The following SCML4 variants were observed in gnomAD, a reference collection of about 807,000 sequenced individuals.
SCML4 encodes Scm polycomb group protein like 4, also known as sex comb on midleg-like protein 4.
SCML4 carries 34 observed loss-of-function variants against 41.1 expected under a neutral mutation model. That is an observed-to-expected ratio of 0.83 (90% confidence interval 0.63 to 1.10). SCML4 has a LOEUF of 1.10. Among genes scored for constraint, SCML4 ranks in the 50% least tolerant of loss-of-function variants. The pLI is 0.00. For missense variants in SCML4, 522 were observed against 534.1 expected, an observed-to-expected ratio of 0.98 and a Z score of 0.22; for synonymous variants, 214 against 220.9, an observed-to-expected ratio of 0.97 and a Z score of 0.28.
At chr6:107,772,436 T>C in intron 1 of SCML4, 50 bp from the exon 2 acceptor site, 1 of 1,129,368 alleles carries the variant, frequency 8.9e-7, no homozygotes, top group East Asian at 2.6e-5. Flanking sequence ...AGGGTTTGTT[T>C]GGTTTGCAAG....
intron 1 of SCML4, among the ~76,000 whole-genome samples, chr6:107,798,474 A>G (rs1286886216): frequency 6.6e-6 from 1 of 151,824 alleles, no homozygotes; most frequent in East Asian, 1.9e-4. Context: ...TCTGCTGGTA[A>G]TCTGCATTTT....
intron 2 of SCML4, chr6:107,755,593 G>A (rs376614547): frequency 3.0e-6 from 4 of 1,346,282 alleles, no homozygotes; most frequent in Non-Finnish European, 3.9e-6. Flanking sequence ...GAATGGGGGG[G>A]TTCTCTGCCT....
chr6:107,772,083 C>A, intron 2 of SCML4, 89 bp downstream of exon 2: 2 of 1,190,646 alleles, frequency 1.7e-6, no homozygotes, highest in Non-Finnish European at 2.3e-6. Context: ...AAGCTCCCAA[C>A]CTCTAGTGGC....
At chr6:107,791,172 G>A (rs1782297631) in intron 1 of SCML4, among the ~76,000 whole-genome samples, 1 of 152,074 alleles carries the variant, frequency 6.6e-6, no homozygotes, top group Non-Finnish European at 1.5e-5. Context: ...AAGAAGAACA[G>A]GGATGGAATT....
intron 1 of SCML4, among the ~76,000 whole-genome samples, chr6:107,783,960 C>A (rs1348459211): frequency 6.6e-6 from 1 of 152,182 alleles, no homozygotes; most frequent in Non-Finnish European, 1.5e-5. Flanking sequence ...TTCTGTCCTG[C>A]CACCTCCTGC....
chr6:107,707,751 T>G (rs1328363910), intron 7 of SCML4, 115 bp downstream of exon 7: 6 of 1,364,862 alleles, frequency 4.4e-6, no homozygotes, highest in Non-Finnish European at 6.1e-6. Context: ...AGGGCTTAGT[T>G]TAGAGCACCC....
intron 1 of SCML4, among the ~76,000 whole-genome samples, chr6:107,780,019 G>T (rs761715964): frequency 1.3e-5 from 2 of 152,156 alleles, no homozygotes; most frequent in South Asian, 4.1e-4. Flanking sequence ...GCCAGGGGCC[G>T]TGTTTCACAT....
the SCML4 span, among the ~76,000 whole-genome samples, chr6:107,831,100 G>C: frequency 6.6e-6 from 1 of 152,130 alleles, no homozygotes; most frequent in African/African-American, 2.4e-5. Flanking sequence ...GCTGAAAACA[G>C]TTACTGTTTC....
intron 5 of SCML4, among the ~76,000 whole-genome samples, chr6:107,737,393 C>T (rs1777180242): frequency 6.6e-6 from 1 of 152,182 alleles, no homozygotes; most frequent in East Asian, 1.9e-4. Context: ...GATATGCAAG[C>T]CTTGTCTTTC....
At chr6:107,746,951 T>C in intron 3 of SCML4, 62 bp from the exon 4 acceptor site, 2 of 1,433,008 alleles carry the variant, frequency 1.4e-6, no homozygotes, top group Non-Finnish European at 1.9e-6. Flanking sequence ...GCTGGCGGCC[T>C]CTGTGTACAC....
chr6:107,835,096 G>A, the SCML4 span, among the ~76,000 whole-genome samples: 92 of 151,736 alleles, frequency 6.1e-4, no homozygotes, highest in African/African-American at 2.0e-3. Context: ...TCAGTGGCTC[G>A]CGGCCTGTAA....
the SCML4 span, among the ~76,000 whole-genome samples, chr6:107,829,525 T>G: frequency 6.6e-6 from 1 of 152,108 alleles, no homozygotes; most frequent in Non-Finnish European, 1.5e-5. Context: ...TTCTCATAAG[T>G]GGGAGTTGAA....
intron 1 of SCML4, among the ~76,000 whole-genome samples, chr6:107,821,908 T>C (rs187554874): frequency 5.4e-4 from 82 of 152,318 alleles, no homozygotes; most frequent in Non-Finnish European, 5.9e-4. Flanking sequence ...ATGTGTGATG[T>C]GTCCTCAGGC....
intron 5 of SCML4, among the ~76,000 whole-genome samples, chr6:107,726,677 G>A (rs1776020424): frequency 6.6e-6 from 1 of 151,982 alleles, no homozygotes; most frequent in African/African-American, 2.4e-5. Context: ...TCCACATCAT[G>A]AGTCGAATCA....
rs140851580 is a variant in SCML4, at chr6:107,767,189, C to T, written c.156+4983G>A. The stretch of plus-strand genomic sequence containing the variant: ...TCCAGGGTGGTCTCGATCTCCTGAC[C>T]TCGTGATCCATCCACCTCGGCCTCC... On this transcript the variant is annotated intron_variant, in intron 2 of 7. Transcript: ENST00000369020. Among the ~76,000 whole-genome samples, 198 of 152,138 alleles carry T rather than the reference C, an allele frequency of 1.3e-3. 2 individuals carry two copies. Among genetic ancestry groups the T allele is most frequent in the African/African-American group, 4.6e-3 (192 of 41,504 alleles).
At chr6:107,772,826 C>A (rs1290917895) in intron 1 of SCML4, among the ~76,000 whole-genome samples, 1 of 152,068 alleles carries the variant, frequency 6.6e-6, no homozygotes, top group Non-Finnish European at 1.5e-5. Context: ...TTGTCATGAC[C>A]TCTTTTTCTC....
intron 2 of SCML4, chr6:107,755,566 C>T (rs1171572008): frequency 7.6e-7 from 1 of 1,316,598 alleles, no homozygotes; most frequent in Non-Finnish European, 1.0e-6. Flanking sequence ...TCCATCAGCA[C>T]AAACCTCTCT....
At chr6:107,800,099 C>T (rs9486713) in intron 1 of SCML4, among the ~76,000 whole-genome samples, 1 of 151,926 alleles carries the variant, frequency 6.6e-6, no homozygotes, top group Admixed American at 6.6e-5. Flanking sequence ...CATCCTCCCC[C>T]CTCAGCCTCC....
intron 6 of SCML4, among the ~76,000 whole-genome samples, chr6:107,717,950 T>A (rs1489957216): frequency 1.3e-5 from 2 of 152,210 alleles, no homozygotes; most frequent in Non-Finnish European, 2.9e-5. Flanking sequence ...ACTCCGTGTC[T>A]CTGATCTCAT....
Sources: gnomAD v4.1 joint callset for allele counts (sites outside exome capture counted in the v4.1 genomes callset) on GRCh38, gnomAD v4.1.1 for gene constraint, MANE v1.5 for transcripts, NCBI Gene and HGNC (gene_info 2026-07-23, HGNC 2026-07-21) for gene names.